The following NEO1 variants were observed in gnomAD, a reference collection of about 807,000 sequenced individuals.
NEO1 encodes the protein neogenin.
Under a neutral mutation model 159.7 loss-of-function variants are expected in NEO1, and 63 were observed. The ratio of observed to expected loss-of-function variants is 0.39; its 90% confidence interval spans 0.32 to 0.49. NEO1 has a LOEUF of 0.49. NEO1 is among the 20% of genes least tolerant of loss of function. NEO1 has a pLI of 0.85. For synonymous variants in NEO1, 633 were observed against 662.0 expected (o/e 0.96, Z 0.67); for missense variants, 1,615 against 1,831.0 (o/e 0.88, Z 2.15).
At chr15:73,114,520 G>C (rs1300540044) in intron 1 of NEO1, among the ~76,000 whole-genome samples, 1 of 152,108 alleles carries the variant, frequency 6.6e-6, no homozygotes, top group Non-Finnish European at 1.5e-5. Context: ...TTTCCTTTGA[G>C]TGTAATTCAC....
intron 21 of NEO1, 73 bp downstream of exon 21, chr15:73,274,797 T>C: frequency 1.4e-5 from 3 of 220,400 alleles, no homozygotes; most frequent in Admixed American, 6.7e-5. Context: ...TTTTTGTTTC[T>C]TTTTTTTTTT....
chr15:73,279,284 C>T (rs2151076099), intron 22 of NEO1, among the ~76,000 whole-genome samples: 1 of 150,456 alleles, frequency 6.6e-6, no homozygotes, highest in African/African-American at 2.4e-5. Flanking sequence ...AAGGTAATTA[C>T]TCCTTTGTCT....
intron 1 of NEO1, among the ~76,000 whole-genome samples, chr15:73,086,352 G>A (rs2069357658): frequency 6.6e-6 from 1 of 151,986 alleles, no homozygotes; most frequent in South Asian, 2.1e-4. Context: ...TTTTCAAGTT[G>A]GGTAGTTTGA....
intron 5 of NEO1, among the ~76,000 whole-genome samples, chr15:73,138,007 T>C (rs1049738776): frequency 1.3e-5 from 2 of 152,176 alleles, no homozygotes; most frequent in African/African-American, 4.8e-5. Context: ...ATAATTAAGA[T>C]AAATTTTTCA....
chr15:73,051,729 G>C (rs2067446035), upstream of NEO1: 1 of 151,818 alleles, frequency 6.6e-6, no homozygotes, highest in Non-Finnish European at 1.5e-5. Context: ...CTGCGCGGCC[G>C]GCCCCCTCCC....
chr15:73,230,859 G>A (rs1024217700), intron 7 of NEO1, among the ~76,000 whole-genome samples: 5 of 152,012 alleles, frequency 3.3e-5, no homozygotes, highest in Non-Finnish European at 5.9e-5. Context: ...CCAAAGTGCT[G>A]GGTTTATATA....
intron 7 of NEO1, among the ~76,000 whole-genome samples, chr15:73,178,779 A>C (rs2035430970): frequency 6.6e-6 from 1 of 152,174 alleles, no homozygotes; most frequent in African/African-American, 2.4e-5. Flanking sequence ...TAATACACTT[A>C]CAAAAAATAA....
At chr15:73,168,078 T>C (rs2034696891) in intron 5 of NEO1, among the ~76,000 whole-genome samples, 1 of 152,144 alleles carries the variant, frequency 6.6e-6, no homozygotes, top group African/African-American at 2.4e-5. Context: ...ATTGAGCACC[T>C]ATTTTGGTTT....
At chr15:73,297,091 A>G (rs2042402986) in intron 26 of NEO1, among the ~76,000 whole-genome samples, 1 of 152,046 alleles carries the variant, frequency 6.6e-6, no homozygotes, top group South Asian at 2.1e-4. Flanking sequence ...ACAGGTGGGG[A>G]AGCTGGTCAC....
chr15:73,180,816 A>C (rs1479912332), intron 7 of NEO1, among the ~76,000 whole-genome samples: 2 of 152,200 alleles, frequency 1.3e-5, no homozygotes, highest in African/African-American at 4.8e-5. Context: ...CATGTATTAA[A>C]GATGCATAGA....
intron 8 of NEO1, among the ~76,000 whole-genome samples, chr15:73,238,540 A>G (rs1567568764): frequency 6.6e-6 from 1 of 151,648 alleles, no homozygotes; most frequent in Non-Finnish European, 1.5e-5. Flanking sequence ...TCTGTCTTAA[A>G]TTATAGATGG....
At chr15:73,127,501 A>G (rs1434773081) in intron 4 of NEO1, among the ~76,000 whole-genome samples, 1 of 152,172 alleles carries the variant, frequency 6.6e-6, no homozygotes, top group African/African-American at 2.4e-5. Context: ...CCTTCTACCC[A>G]TAGGTGGCAG....
At chr15:73,209,429 G>A (rs1330601362) in intron 7 of NEO1, among the ~76,000 whole-genome samples, 1 of 152,152 alleles carries the variant, frequency 6.6e-6, no homozygotes, top group African/African-American at 2.4e-5. Context: ...GAGTGTAAAT[G>A]CTTCATTTGA....
intron 7 of NEO1, among the ~76,000 whole-genome samples, chr15:73,186,160 C>T (rs900563410): frequency 2.7e-5 from 4 of 149,368 alleles, no homozygotes; most frequent in Non-Finnish European, 4.4e-5. Flanking sequence ...TTGCAGCAGA[C>T]TTTTTGCCAG....
chr15:73,205,231 TC>T (rs924707277), intron 7 of NEO1, among the ~76,000 whole-genome samples: 1 of 152,202 alleles, frequency 6.6e-6, no homozygotes, highest in African/African-American at 2.4e-5. Context: ...TTCCCCCTGT[TC>T]CCTATTCCCT....
intron 5 of NEO1, among the ~76,000 whole-genome samples, chr15:73,158,902 GTCA>G (rs1281399618): frequency 6.6e-6 from 1 of 152,172 alleles, no homozygotes; most frequent in Non-Finnish European, 1.5e-5. Flanking sequence ...CTTAGAGATT[GTCA>G]TCATCAGGAG....
chr15:73,263,350 T>C (rs1275210010), intron 15 of NEO1, among the ~76,000 whole-genome samples: 6 of 151,958 alleles, frequency 3.9e-5, no homozygotes, highest in East Asian at 1.9e-4. Flanking sequence ...TGCGCCACCA[T>C]GCCCAGCTAA....
At chr15:73,165,403 G>A (rs2034504269) in intron 5 of NEO1, among the ~76,000 whole-genome samples, 1 of 152,048 alleles carries the variant, frequency 6.6e-6, no homozygotes, top group Non-Finnish European at 1.5e-5. Context: ...GTAGAGAGAT[G>A]GAGAAAATAA....
chr15:73,255,647 G>T lies in NEO1; in HGVS notation c.2092+818G>T, dbSNP rs1038329032. ...ATGGCTGCAGAATCGACTGTAGTCT[G>T]AGCAGACCCCATCCTGCCGACTCCT... On this transcript the variant is annotated intron_variant, in intron 13 of 28. Transcript: ENST00000261908. 17 of 152,354 alleles carry T rather than the reference G, an allele frequency of 1.1e-4. No individual in the cohort carries two copies. The East Asian group carries it at 3.3e-3, about 29-fold the overall frequency. 9.4% of individuals were successfully genotyped at this position (152,354 alleles called of 1,614,324 possible).
Sources: allele counts gnomAD v4.1 joint callset (sites outside exome capture counted in the v4.1 genomes callset), GRCh38; gene constraint gnomAD v4.1.1; transcripts MANE v1.5; gene names NCBI Gene and HGNC (gene_info 2026-07-23, HGNC 2026-07-21).